Variants in SFXN2 observed in about 807,000 individuals in gnomAD.
SFXN2 encodes the protein sideroflexin 2.
A neutral mutation model predicts 41.9 loss-of-function variants in SFXN2; 37 were observed. That is an observed-to-expected ratio of 0.88 (90% confidence interval 0.68 to 1.16). The LOEUF (loss-of-function observed/expected upper bound fraction) is 1.16, where lower values mean the gene tolerates loss of function less well. Among genes scored for constraint, SFXN2 ranks in the 50% most tolerant of loss-of-function variants. The pLI is 0.00. For missense variants in SFXN2, 386 were observed against 425.2 expected, an observed-to-expected ratio of 0.91 and a Z score of 0.81; for synonymous variants, 150 against 156.7, an observed-to-expected ratio of 0.96 and a Z score of 0.32.
chr10:102,737,951 G>A lies in SFXN2; in HGVS notation c.*189G>A. 1 of 405,098 alleles carries A rather than the reference G, an allele frequency of 2.5e-6. No individual in the cohort carries two copies. Among genetic ancestry groups the A allele is most frequent in the Non-Finnish European group, 4.5e-6 (1 of 223,226 alleles). 25.1% of individuals were successfully genotyped at this position (405,098 alleles called of 1,614,324 possible). A position where few individuals can be genotyped will look rare whatever the true frequency, so the allele number is the denominator to read the frequency against. ...TGATTGGACCTCAGGGGAAAAAAGT[G>A]AAAAAGGGTAGCAAAGGCCAATGTC... On this transcript the variant is annotated 3_prime_UTR_variant, in exon 12 of 12. Coordinates refer to ENST00000369893, the MANE Select transcript of SFXN2 (RefSeq NM_178858.6).
chr10:102,726,946 A>T, intron 2 of SFXN2, 41 bp from the exon 3 acceptor site: 1 of 1,585,474 alleles, frequency 6.3e-7, no homozygotes, highest in Non-Finnish European at 8.6e-7. Context: ...GGAGACATTG[A>T]TCAGGCAGGA....
At chr10:102,728,395 CTT>C in intron 3 of SFXN2, 34 bp from the exon 4 acceptor site, 1 of 1,590,138 alleles carries the variant, frequency 6.3e-7, no homozygotes, top group Non-Finnish European at 8.6e-7. Context: ...TGCCATCTGA[CTT>C]CTCTCTGCCT....
At chr10:102,718,918 C>CTTTTTTTTTTTTTTTTTTTTTTTTTTTT (rs34471332) in intron 1 of SFXN2, among the ~76,000 whole-genome samples, 1 of 74,302 alleles carries the variant, frequency 1.3e-5, no homozygotes, top group Non-Finnish European at 2.4e-5. Flanking sequence ...TTCTCGGCTT[C>CTTTTTTTTTTTTTTTTTTTTTTTTTTTT]TTTTTTTTTT....
At chr10:102,731,690 T>A in intron 6 of SFXN2, 33 bp from the exon 7 acceptor site, 1 of 1,602,916 alleles carries the variant, frequency 6.2e-7, no homozygotes, top group Non-Finnish European at 8.5e-7. Context: ...CATCACCCCT[T>A]TCCCAAGTCC....
rs547263146 is a variant in SFXN2 at position 102,727,982 on chromosome 10, G to A, written c.333-449G>A. Among the ~76,000 whole-genome samples, 13 of 152,258 alleles carry A rather than the reference G, an allele frequency of 8.5e-5. No homozygotes were observed. The South Asian group carries it at 2.1e-3, about 24-fold the overall frequency. Reference sequence around the variant, plus strand: ...ATTTGAGGCAGAGGGGCCAGCCTGCGCAGAAGCCCAGGTGCATAAAACAGT... The same window carrying A: ...ATTTGAGGCAGAGGGGCCAGCCTGCACAGAAGCCCAGGTGCATAAAACAGT... On this transcript the variant is annotated intron_variant, in intron 3 of 11. Transcript: ENST00000369893.
At chr10:102,728,925 AG>A (rs575252866) in intron 4 of SFXN2, among the ~76,000 whole-genome samples, 184 of 152,296 alleles carry the variant, frequency 1.2e-3, no homozygotes, top group African/African-American at 4.3e-3. Context: ...AAAACCACCC[AG>A]AAAACCAGGG....
chr10:102,729,852 C>T (rs1314406585), intron 6 of SFXN2, 44 bp downstream of exon 6: 1 of 1,604,262 alleles, frequency 6.2e-7, no homozygotes, highest in East Asian at 2.2e-5. Context: ...ACAAGATTAG[C>T]AGAAAAGGGG....
At chr10:102,719,068 C>T (rs1292228425) in intron 1 of SFXN2, among the ~76,000 whole-genome samples, 5 of 151,032 alleles carry the variant, frequency 3.3e-5, no homozygotes, top group Non-Finnish European at 4.4e-5. Flanking sequence ...GGATTACAGG[C>T]GCCTGCCACC....
intron 3 of SFXN2, among the ~76,000 whole-genome samples, chr10:102,728,093 G>A (rs774732389): frequency 2.0e-5 from 3 of 152,234 alleles, no homozygotes; most frequent in East Asian, 1.9e-4. Context: ...GAGGTCAAGA[G>A]TTCAAGACCA....
In SFXN2 at chr10:102,717,863, A is replaced by C. The variant is rs572353218; in HGVS notation, c.-26+3182A>C. On this transcript the variant is annotated intron_variant, in intron 1 of 11. Transcript: ENST00000369893. Reference sequence around the variant, plus strand: ...CATGATCCCGATGCTTGTGAGCCTTACAGTCTGTCAGGGGAGGCAGACTTT... The same window carrying C: ...CATGATCCCGATGCTTGTGAGCCTTCCAGTCTGTCAGGGGAGGCAGACTTT... 9.6e-4 allele frequency: 878 copies of C among 913,028 alleles called. 1 individual carries two copies. Among genetic ancestry groups the C allele is most frequent in the Middle Eastern group, 5.0e-3 (9 of 1,802 alleles). The allele number at this position is 913,028 out of a possible 1,614,324, so 56.6% of individuals were successfully genotyped here. A position where few individuals can be genotyped will look rare whatever the true frequency, so the allele number is the denominator to read the frequency against.
intron 1 of SFXN2, among the ~76,000 whole-genome samples, chr10:102,718,761 C>T (rs550206984): frequency 6.6e-6 from 1 of 152,210 alleles, no homozygotes; most frequent in South Asian, 2.1e-4. Context: ...GACCACTGCT[C>T]TTCCTTCCCC....
rs1365108264 is a variant in SFXN2 at position 102,734,360 on chromosome 10, CT to C, written c.821+758del. Among the ~76,000 whole-genome samples, 1 of 152,200 alleles carries C rather than the reference CT, an allele frequency of 6.6e-6. No homozygotes were observed. The highest frequency in any genetic ancestry group is 1.5e-5 in the Non-Finnish European group (1 of 68,048). ...GGCCACGAGACTAATGACAGCATCA[CT>C]AACAGCTAACACTGACTGTATATTT... On this transcript the variant is annotated intron_variant, in intron 10 of 11. Transcript: ENST00000369893. The surrounding 1 kb of genome is among the most constrained non-coding windows in gnomAD (Gnocchi z 4.1).
At chr10:102,732,330 C>T (rs2064716824) in intron 8 of SFXN2, 112 bp downstream of exon 8, 4 of 842,248 alleles carry the variant, frequency 4.7e-6, no homozygotes, top group Non-Finnish European at 7.6e-6. Context: ...AGCCATGCTT[C>T]TCAAACTGCT....
chr10:102,731,931 C>T (rs1335138581), intron 7 of SFXN2, 148 bp downstream of exon 7: 1 of 810,828 alleles, frequency 1.2e-6, no homozygotes, highest in African/African-American at 1.7e-5. Context: ...CCCCATGTTT[C>T]TCTGTTCAGA....
At chr10:102,732,490 GT>G in intron 8 of SFXN2, among the ~76,000 whole-genome samples, 1 of 152,356 alleles carries the variant, frequency 6.6e-6, no homozygotes, top group East Asian at 1.9e-4. Context: ...GCTAGGGAGA[GT>G]GATAGAGAAA....
rs1482147726 is a variant in SFXN2, at chr10:102,741,813, A to C, written c.*4051A>C. Reference sequence around the variant, plus strand: ...CATGAAAATAATTTGGTCCTTCCCTAGTACTCAATTTTTACTTCTCCTCTA... The same window carrying C: ...CATGAAAATAATTTGGTCCTTCCCTCGTACTCAATTTTTACTTCTCCTCTA... On this transcript the variant is annotated 3_prime_UTR_variant, in exon 12 of 12. Coordinates refer to ENST00000369893, the MANE Select transcript of SFXN2 (RefSeq NM_178858.6). The C allele has an allele frequency of 6.6e-6, 1 of 152,228 alleles. No individual in the cohort carries two copies. Among genetic ancestry groups the C allele is most frequent in the Non-Finnish European group, 1.5e-5 (1 of 68,042 alleles). 9.4% of individuals were successfully genotyped at this position (152,228 alleles called of 1,614,324 possible). A position where few individuals can be genotyped will look rare whatever the true frequency, so the allele number is the denominator to read the frequency against.
chr10:102,737,366 C>T (rs79730724), intron 11 of SFXN2, among the ~76,000 whole-genome samples: 1,662 of 152,194 alleles, frequency 0.011, 24 homozygotes, highest in African/African-American at 0.038. Context: ...ATTCCAGTCT[C>T]CCCTTCCTCA....
intron 6 of SFXN2, among the ~76,000 whole-genome samples, chr10:102,730,901 C>T (rs1344659692): frequency 6.6e-6 from 1 of 150,758 alleles, no homozygotes; most frequent in Non-Finnish European, 1.5e-5. Flanking sequence ...TCCTGGCTAA[C>T]ACGGTGAAAC....
In SFXN2 at chr10:102,727,096, C is replaced by A; in HGVS notation, c.271C>A (p.Arg91Ser). ...TGGGGAGAAGATGAATGTCATCGGG[C>A]GCATGTCTTTCCAGCTTCCTGGCGG... ...DTGEKMNVIGRMSFQLPGGMI... is the reference protein window; with the variant it reads ...DTGEKMNVIGSMSFQLPGGMI... The change falls in exon 3 of 12, where the codon CGC becomes AGC. Residue 91 changes from arginine to serine, a missense_variant. Transcript: ENST00000369893. 6.2e-7 allele frequency: 1 copy of A among 1,609,228 alleles called. No individual in the cohort carries two copies. Among genetic ancestry groups the A allele is most frequent in the Non-Finnish European group, 8.5e-7 (1 of 1,175,904 alleles).
Sources: allele counts gnomAD v4.1 joint callset (sites outside exome capture counted in the v4.1 genomes callset), GRCh38; gene constraint gnomAD v4.1.1; non-coding constraint Gnocchi (gnomAD v3.1); transcripts MANE v1.5; gene names NCBI Gene and HGNC (gene_info 2026-07-23, HGNC 2026-07-21).